Variants in CLIP2 observed in about 807,000 individuals in gnomAD.
The protein encoded by CLIP2 is CAP-Gly domain containing linker protein 2.
CLIP2 carries 41 observed loss-of-function variants against 111.7 expected under a neutral mutation model. The observed-to-expected ratio is 0.37, with a 90% CI of 0.29 to 0.48. The LOEUF is 0.48. Among genes scored for constraint, CLIP2 ranks in the 20% least tolerant of loss-of-function variants. The pLI is 0.99. For missense variants in CLIP2, 1,160 were observed against 1,422.1 expected (o/e 0.82, Z 2.96); for synonymous variants, 660 against 644.2 (o/e 1.02, Z -0.37).
intron 2 of CLIP2, among the ~76,000 whole-genome samples, chr7:74,336,945 G>A (rs113060197): frequency 1.4e-4 from 20 of 146,204 alleles, no homozygotes; most frequent in Middle Eastern, 3.5e-3. Context: ...GAGTGCAGTG[G>A]TGCTGTCTCG....
chr7:74,350,016 G>A (rs1789937813), intron 3 of CLIP2, among the ~76,000 whole-genome samples: 1 of 151,942 alleles, frequency 6.6e-6, no homozygotes, highest in African/African-American at 2.4e-5. Context: ...GATGGAACAG[G>A]CAGTGATTTC....
chr7:74,292,979 C>CA (rs1343698000), intron 1 of CLIP2, among the ~76,000 whole-genome samples: 5 of 152,252 alleles, frequency 3.3e-5, no homozygotes, highest in Non-Finnish European at 7.3e-5. Context: ...GGTCCGCCCC[C>CA]AGTTGGCTGT....
Position 74,364,267 on chromosome 7 carries a change from T to A in CLIP2, c.1332T>A (p.Asp444Glu). ...QLEEERRKVE[D>E]LQFRVEEESI... ...CCCTCCCCTGCAGGAAGGTGGAGGA[T>A]CTGCAGTTCCGCGTGGAGGAGGAGT... The change falls in exon 8 of 17, where the codon GAT becomes GAA. Residue 444 changes from aspartate to glutamate, a missense_variant. Asp to Glu is a conservative substitution (Grantham distance 45). Coordinates refer to ENST00000223398, the MANE Select transcript of CLIP2 (RefSeq NM_003388.5). 6.2e-7 allele frequency: 1 copy of A among 1,613,634 alleles called. No individual in the cohort carries two copies. Among genetic ancestry groups the A allele is most frequent in the East Asian group, 2.2e-5 (1 of 44,850 alleles).
chr7:74,338,508 C>T lies in CLIP2; in HGVS notation c.182C>T (p.Pro61Leu), dbSNP rs781989461. ...PSSSPAAAAA[P>L]EKPGPKAAEV... Reference sequence around the variant, plus strand: ...TCCTCCCCGGCCGCAGCTGCTGCCCCCGAGAAGCCGGGCCCCAAGGCGGCG... The same window carrying T: ...TCCTCCCCGGCCGCAGCTGCTGCCCTCGAGAAGCCGGGCCCCAAGGCGGCG... The change falls in exon 3 of 17, where the codon CCC becomes CTC. Residue 61 changes from proline (P) to leucine (L), a missense_variant. Pro to Leu is a moderately conservative substitution (Grantham distance 98, BLOSUM62 -3). This residue lies in a region of CLIP2 where 301 missense variants were observed against 315.2 expected (regional missense o/e 0.96). Coordinates refer to ENST00000223398, the MANE Select transcript of CLIP2 (RefSeq NM_003388.5). The surrounding 1 kb of genome is among the most constrained non-coding windows in gnomAD (Gnocchi z 4.3). 1 of 1,610,984 alleles carries T rather than the reference C, an allele frequency of 6.2e-7. No homozygotes were observed. Among genetic ancestry groups the T allele is most frequent in the East Asian group, 2.2e-5 (1 of 44,770 alleles).
chr7:74,305,854 A>ACCCCC, intron 1 of CLIP2, among the ~76,000 whole-genome samples: 1 of 54,514 alleles, frequency 1.8e-5, no homozygotes. Context: ...CCTGCACCCC[A>ACCCCC]ACCCCCCCCC....
At chr7:74,331,917 T>C (rs1789293364) in intron 2 of CLIP2, among the ~76,000 whole-genome samples, 2 of 152,026 alleles carry the variant, frequency 1.3e-5, no homozygotes, top group Admixed American at 1.3e-4. Flanking sequence ...TTGAATCATT[T>C]ACAAGGAGAG....
chr7:74,348,034 G>C (rs939441278), intron 3 of CLIP2, among the ~76,000 whole-genome samples: 1 of 151,910 alleles, frequency 6.6e-6, no homozygotes, highest in Non-Finnish European at 1.5e-5. Flanking sequence ...ACAAAAACTA[G>C]CTGGGCGTGG....
chr7:74,338,528 G>A lies in CLIP2; in HGVS notation c.202G>A (p.Ala68Thr), dbSNP rs1554732597. 6.2e-7 allele frequency: 1 copy of A among 1,606,498 alleles called. No homozygotes were observed. The highest frequency in any genetic ancestry group is 1.7e-5 in the Admixed American group (1 of 58,976). The change falls in exon 3 of 17, where the codon GCG becomes ACG. Residue 68 changes from alanine to threonine, a missense_variant. Around this residue, in one of 5 missense-constraint regions of CLIP2, gnomAD observed 301 missense variants for 315.2 expected, o/e 0.96. Coordinates refer to ENST00000223398, the MANE Select transcript of CLIP2 (RefSeq NM_003388.5). The surrounding 1 kb of genome is among the most constrained non-coding windows in gnomAD (Gnocchi z 4.3). ...TGCCCCCGAGAAGCCGGGCCCCAAG[G>A]CGGCGGAAGTGGGGGATGACTTCCT... ...AAAPEKPGPK[A>T]AEVGDDFLGD...
At chr7:74,344,007 G>C (rs1318239528) in intron 3 of CLIP2, among the ~76,000 whole-genome samples, 1 of 152,232 alleles carries the variant, frequency 6.6e-6, no homozygotes, top group Non-Finnish European at 1.5e-5. Flanking sequence ...GGAGTGCCCT[G>C]GGCATGGGCC....
At chr7:74,348,893 T>C (rs1056364886) in intron 3 of CLIP2, among the ~76,000 whole-genome samples, 20 of 151,112 alleles carry the variant, frequency 1.3e-4, no homozygotes, top group African/African-American at 4.6e-4. Flanking sequence ...ATGCCTGTAA[T>C]CCCAGTACTT....
intron 8 of CLIP2, among the ~76,000 whole-genome samples, chr7:74,368,293 G>A (rs1054238067): frequency 6.6e-6 from 1 of 152,046 alleles, no homozygotes; most frequent in African/African-American, 2.4e-5. Context: ...CGAGGTGGGC[G>A]GATCATGAGG....
chr7:74,371,594 A>G lies in CLIP2; in HGVS notation c.1381-1338A>G, dbSNP rs1226267150. Among the ~76,000 whole-genome samples the G allele has an allele frequency of 3.7e-5, 5 of 136,430 alleles. No individual in the cohort carries two copies. The East Asian group carries it at 1.3e-3, about 34-fold the overall frequency. The allele number at this position is 136,430 out of a possible 152,430, so 89.5% of individuals were successfully genotyped here. A position where few individuals can be genotyped will look rare whatever the true frequency, so the allele number is the denominator to read the frequency against. On this transcript the variant is annotated intron_variant, in intron 8 of 16. Coordinates refer to ENST00000223398, the MANE Select transcript of CLIP2 (RefSeq NM_003388.5). ...GACAGGAAGGGAGAGAGGGGAAAAG[A>G]GAAGGAGAGAAGGAGGGAGGGAGGG...
chr7:74,337,757 G>A (rs953324079), intron 2 of CLIP2, among the ~76,000 whole-genome samples: 13 of 152,000 alleles, frequency 8.6e-5, no homozygotes, highest in Non-Finnish European at 1.9e-4. Flanking sequence ...CACCACACCT[G>A]GCTAATTATT....
chr7:74,312,452 C>G (rs149771633), intron 1 of CLIP2, among the ~76,000 whole-genome samples: 227 of 152,156 alleles, frequency 1.5e-3, no homozygotes, highest in African/African-American at 5.2e-3. Context: ...CCAGCTGAGC[C>G]ACGGGAGCAG....
In CLIP2 at chr7:74,400,354, C is replaced by T. The variant is rs1791584221; in HGVS notation, c.2881-16C>T. Reference sequence around the variant, plus strand: ...ACGCACACTCATGTACTCTTCCACTCTCCTGCCACTTCCAGGACAAAGAGA... The same window carrying T: ...ACGCACACTCATGTACTCTTCCACTTTCCTGCCACTTCCAGGACAAAGAGA... On this transcript the variant is annotated splice_polypyrimidine_tract_variant and intron_variant, in intron 14 of 16. Transcript: ENST00000223398. 1 of 1,593,940 alleles carries T rather than the reference C, an allele frequency of 6.3e-7. No individual in the cohort carries two copies. The highest frequency in any genetic ancestry group is 1.7e-5 in the Admixed American group (1 of 58,674).
intron 1 of CLIP2, among the ~76,000 whole-genome samples, chr7:74,294,330 A>T (rs1244370194): frequency 6.6e-6 from 1 of 152,248 alleles, no homozygotes; most frequent in Non-Finnish European, 1.5e-5. Flanking sequence ...GAAATGCTTC[A>T]AAATGTTAAT....
At chr7:74,379,840 G>A (rs532201769) in intron 10 of CLIP2, among the ~76,000 whole-genome samples, 33 of 152,166 alleles carry the variant, frequency 2.2e-4, no homozygotes, top group Admixed American at 6.5e-4. Context: ...CTACTCGCTC[G>A]GGAGGCCGAG....
chr7:74,303,559 G>T (rs1323066164), intron 1 of CLIP2, among the ~76,000 whole-genome samples: 1 of 151,482 alleles, frequency 6.6e-6, no homozygotes, highest in South Asian at 2.1e-4. Context: ...GTGCAGTGGA[G>T]ATAATGTTTC....
At chr7:74,296,652 G>C (rs1411182945) in intron 1 of CLIP2, among the ~76,000 whole-genome samples, 1 of 136,712 alleles carries the variant, frequency 7.3e-6, no homozygotes, top group Admixed American at 7.3e-5. Context: ...AGCCGGGTGT[G>C]GTGGTGTGCA....
Sources: allele counts gnomAD v4.1 joint callset (sites outside exome capture counted in the v4.1 genomes callset), GRCh38; gene constraint gnomAD v4.1.1; regional missense constraint gnomAD v4.1.1; non-coding constraint Gnocchi (gnomAD v3.1); transcripts MANE v1.5; gene names NCBI Gene and HGNC (gene_info 2026-07-23, HGNC 2026-07-21).